NBEA: variants seen among roughly 807,000 people sequenced by gnomAD.
NBEA encodes the protein neurobeachin.
NBEA carries 44 observed loss-of-function variants against 343.4 expected under a neutral mutation model. The observed-to-expected ratio is 0.13, with a 90% CI of 0.10 to 0.16. The LOEUF (loss-of-function observed/expected upper bound fraction) is 0.16. Among genes scored for constraint, NBEA ranks in the 10% least tolerant of loss-of-function variants. The pLI, the probability that NBEA is intolerant of heterozygous loss-of-function variation, is 1.00. For missense variants in NBEA, 2,555 were observed against 3,631.3 expected, an observed-to-expected ratio of 0.70 and a Z score of 7.62; for synonymous variants, 1,175 against 1,238.7, an observed-to-expected ratio of 0.95 and a Z score of 1.08.
chr13:35,160,887 G>C (rs761662477), intron 22 of NBEA, among the ~76,000 whole-genome samples: 1 of 152,098 alleles, frequency 6.6e-6, no homozygotes, highest in African/African-American at 2.4e-5. Context: ...AATGACTTGG[G>C]TTTTGTTATC....
chr13:35,114,641 A>G (rs771582387), intron 13 of NBEA, among the ~76,000 whole-genome samples: 2 of 152,096 alleles, frequency 1.3e-5, no homozygotes, highest in Non-Finnish European at 2.9e-5. Flanking sequence ...TGCTCCCTCC[A>G]TAGAACCCTT....
chr13:34,943,066 G>T lies in NBEA; in HGVS notation c.246G>T (p.Gln82His). 1 of 1,613,730 alleles carries T rather than the reference G, an allele frequency of 6.2e-7. No homozygotes were observed. The highest frequency in any genetic ancestry group is 1.1e-5 in the South Asian group (1 of 91,082). The change falls in exon 1 of 59, where the codon CAG (glutamine) becomes CAT (histidine). Residue 82 changes from glutamine to histidine, a missense_variant. By Grantham distance (24) the Gln-to-His change is conservative. Coordinates refer to ENST00000379939, the MANE Select transcript of NBEA (RefSeq NM_001385012.1). ...TCGCAGTGTTGATTGGACTCATACA[G>T]GTCGGAGAGGTCAGCAACAGGGACA... is the stretch of plus-strand genomic sequence containing the variant. ...MKFAVLIGLI[Q>H]VGEVSNRDIV... is the part of the protein sequence containing the mutation.
At chr13:35,261,470 C>A (rs1024217911) in intron 34 of NBEA, among the ~76,000 whole-genome samples, 1 of 152,012 alleles carries the variant, frequency 6.6e-6, no homozygotes, top group African/African-American at 2.4e-5. Context: ...AAGATTGTAC[C>A]ACTGCACTCC....
intron 38 of NBEA, among the ~76,000 whole-genome samples, chr13:35,371,031 G>T (rs1043817097): frequency 1.3e-5 from 2 of 151,886 alleles, no homozygotes; most frequent in Admixed American, 6.6e-5. Flanking sequence ...TTCTTTTGCT[G>T]TTTTTTGAAT....
chr13:35,250,919 G>C lies in NBEA; in HGVS notation c.5776+18300G>C, dbSNP rs570212448. Among the ~76,000 whole-genome samples, 11 of 152,286 alleles carry C rather than the reference G, an allele frequency of 7.2e-5. No individual in the cohort carries two copies. The East Asian group carries it at 2.1e-3, about 29-fold the overall frequency. ...ATTCATAAGTGATAAAAATATAAAT[G>C]CCAATCAAGATGATAAATTTACAGT... On this transcript the variant is annotated intron_variant, in intron 34 of 58. Transcript: ENST00000379939.
chr13:34,962,042 A>G (rs2059675961), intron 1 of NBEA, among the ~76,000 whole-genome samples: 1 of 152,136 alleles, frequency 6.6e-6, no homozygotes, highest in South Asian at 2.1e-4. Flanking sequence ...CTGAGTTAAT[A>G]CAAGTTAATT....
At chr13:35,080,286 T>C (rs577022682) in intron 10 of NBEA, among the ~76,000 whole-genome samples, 2 of 152,174 alleles carry the variant, frequency 1.3e-5, no homozygotes, top group Non-Finnish European at 2.9e-5. Context: ...TCTCCCTTGG[T>C]GGCCTATGGG....
chr13:35,169,583 A>G (rs1351890117), intron 25 of NBEA, among the ~76,000 whole-genome samples: 2 of 151,670 alleles, frequency 1.3e-5, no homozygotes, highest in African/African-American at 4.8e-5. Flanking sequence ...TAAATAATGA[A>G]TATAGAGAGA....
At chr13:35,495,477 T>G (rs1218221094) in intron 41 of NBEA, among the ~76,000 whole-genome samples, 2 of 152,006 alleles carry the variant, frequency 1.3e-5, no homozygotes, top group Non-Finnish European at 2.9e-5. Flanking sequence ...AGATGTAAGA[T>G]TGACAAGGAC....
At chr13:35,442,295 CA>C (rs940408753) in intron 39 of NBEA, among the ~76,000 whole-genome samples, 1 of 151,940 alleles carries the variant, frequency 6.6e-6, no homozygotes, top group Non-Finnish European at 1.5e-5. Context: ...TAGAGAGTTC[CA>C]AAAAGACGCA....
At chr13:35,273,321 A>G (rs537118166) in intron 34 of NBEA, among the ~76,000 whole-genome samples, 1 of 152,294 alleles carries the variant, frequency 6.6e-6, no homozygotes, top group East Asian at 1.9e-4. Flanking sequence ...CAAAGACTCA[A>G]TGTACTAGAA....
At chr13:35,151,412 G>A (rs1018891008) in intron 18 of NBEA, among the ~76,000 whole-genome samples, 1 of 151,628 alleles carries the variant, frequency 6.6e-6, no homozygotes, top group Non-Finnish European at 1.5e-5. Context: ...GCGTGGTGGC[G>A]CATGCCTGTA....
At chr13:35,664,404 A>C (rs2085250734) in intron 55 of NBEA, among the ~76,000 whole-genome samples, 1 of 152,354 alleles carries the variant, frequency 6.6e-6, no homozygotes, top group Admixed American at 6.5e-5. Context: ...AAAGAACACA[A>C]GTGCTAGAAA....
chr13:35,262,190 A>G (rs1203894310), intron 34 of NBEA, among the ~76,000 whole-genome samples: 1 of 152,240 alleles, frequency 6.6e-6, no homozygotes, highest in African/African-American at 2.4e-5. Context: ...AAGAATATGC[A>G]GCAGCTGGCA....
intron 41 of NBEA, among the ~76,000 whole-genome samples, chr13:35,522,682 G>A (rs2077777196): frequency 6.6e-6 from 1 of 151,914 alleles, no homozygotes; most frequent in Admixed American, 6.6e-5. Context: ...AAGCACTGCT[G>A]CCTGAGCTCC....
chr13:35,007,885 T>C (rs2061367833), intron 1 of NBEA, among the ~76,000 whole-genome samples: 1 of 152,236 alleles, frequency 6.6e-6, no homozygotes, highest in African/African-American at 2.4e-5. Context: ...CTTCATTATC[T>C]AGGACCCTAT....
chr13:35,521,310 G>A (rs888296282), intron 41 of NBEA, among the ~76,000 whole-genome samples: 1 of 152,084 alleles, frequency 6.6e-6, no homozygotes, highest in African/African-American at 2.4e-5. Context: ...AATGCGATAG[G>A]CTTTAAGCAG....
chr13:35,131,558 T>C (rs369056823), intron 17 of NBEA, among the ~76,000 whole-genome samples: 149 of 152,276 alleles, frequency 9.8e-4, no homozygotes, highest in African/African-American at 3.4e-3. Flanking sequence ...TGGTAACATA[T>C]GTCTACTGAA....
chr13:35,620,839 A>G (rs2082955012), intron 48 of NBEA, among the ~76,000 whole-genome samples: 5 of 152,074 alleles, frequency 3.3e-5, no homozygotes, highest in Admixed American at 3.3e-4. Context: ...ACCAGTGGCC[A>G]TTTTCCCTCA....
Sources: allele counts gnomAD v4.1 joint callset (sites outside exome capture counted in the v4.1 genomes callset), GRCh38; gene constraint gnomAD v4.1.1; transcripts MANE v1.5; gene names NCBI Gene and HGNC (gene_info 2026-07-23, HGNC 2026-07-21).